Variants in PTER observed in about 807,000 individuals in gnomAD.
PTER encodes the protein N-acetyltaurine hydrolase.
Under a neutral mutation model 29.6 loss-of-function variants are expected in PTER, and 38 were observed. The observed-to-expected ratio is 1.28, with a 90% CI of 0.99 to 1.68. The LOEUF (loss-of-function observed/expected upper bound fraction) is 1.68. Ranked by LOEUF, PTER falls within the 40% of genes most tolerant of loss-of-function variation. PTER has a pLI of 0.00. For synonymous variants in PTER, 172 were observed against 154.5 expected, an observed-to-expected ratio of 1.11 and a Z score of -0.84; for missense variants, 482 against 427.8, an observed-to-expected ratio of 1.13 and a Z score of -1.12.
chr10:16,503,267 C>A lies in PTER; in HGVS notation c.699-1753C>A, dbSNP rs552910410. Among the ~76,000 whole-genome samples the A allele has an allele frequency of 2.1e-4, 32 of 151,580 alleles. No individual in the cohort carries two copies. The South Asian group carries it at 6.7e-3, about 32-fold the overall frequency. On this transcript the variant is annotated intron_variant, in intron 3 of 4. Transcript: ENST00000535784. ...TTTGAGATGGAGTCTTGCTCTGTCACCCAGGCTGGAATGCAATGGCACGAT... is the reference window on the plus strand; with the variant it reads ...TTTGAGATGGAGTCTTGCTCTGTCAACCAGGCTGGAATGCAATGGCACGAT...
chr10:16,476,478 G>C (rs1835267821), intron 1 of PTER, among the ~76,000 whole-genome samples: 1 of 152,156 alleles, frequency 6.6e-6, no homozygotes, highest in South Asian at 2.1e-4. Context: ...CAGTTTTCAA[G>C]TGAGGAAACT....
At chr10:16,495,187 T>TG (rs1383745228) in intron 3 of PTER, among the ~76,000 whole-genome samples, 2 of 142,310 alleles carry the variant, frequency 1.4e-5, no homozygotes, top group Admixed American at 7.2e-5. Flanking sequence ...TTTTTTTTTT[T>TG]TGAGACAGTG....
At chr10:16,495,085 G>C (rs1233174895) in intron 3 of PTER, among the ~76,000 whole-genome samples, 1 of 150,896 alleles carries the variant, frequency 6.6e-6, no homozygotes, top group African/African-American at 2.4e-5. Context: ...AAAAAAATAA[G>C]AATTCCACAT....
intron 1 of PTER, among the ~76,000 whole-genome samples, chr10:16,474,660 G>C (rs1272650722): frequency 6.6e-6 from 1 of 152,086 alleles, no homozygotes; most frequent in African/African-American, 2.4e-5. Context: ...GGCCGAGGCA[G>C]GTGGATCATG....
At chr10:16,463,673 C>T (rs1437925922) in intron 1 of PTER, among the ~76,000 whole-genome samples, 1 of 152,222 alleles carries the variant, frequency 6.6e-6, no homozygotes, top group Non-Finnish European at 1.5e-5. Flanking sequence ...ATCTCGGCTT[C>T]CCAAACTGCT....
rs1045780468 is a variant in PTER, at chr10:16,463,636, G to A, written c.-48-20701G>A. ...TCACCGTGTTGGCCAGGCTGGTCTC[G>A]AACTCCTGACCTCAGGTGATCCGCT... On this transcript the variant is annotated intron_variant, in intron 1 of 4. Transcript: ENST00000535784. Among the ~76,000 whole-genome samples, 9 of 151,726 alleles carry A rather than the reference G, an allele frequency of 5.9e-5. No homozygotes were observed. In the East Asian group the frequency reaches 9.7e-4, roughly 16 times the overall value.
intron 1 of PTER, among the ~76,000 whole-genome samples, chr10:16,443,754 A>G (rs1040337308): frequency 2.0e-5 from 3 of 152,320 alleles, no homozygotes; most frequent in Non-Finnish European, 2.9e-5. Context: ...CAACTCGCAC[A>G]TATTTTTACC....
At chr10:16,446,225 T>TC (rs1034680607) in intron 1 of PTER, among the ~76,000 whole-genome samples, 2 of 151,780 alleles carry the variant, frequency 1.3e-5, no homozygotes, top group Non-Finnish European at 2.9e-5. Context: ...CCAACATTTT[T>TC]TTTTTTTTTT....
chr10:16,472,402 G>C (rs192307835), intron 1 of PTER, among the ~76,000 whole-genome samples: 1 of 152,050 alleles, frequency 6.6e-6, no homozygotes, highest in African/African-American at 2.4e-5. Context: ...ATTGAATCAC[G>C]GGGGCGGTTT....
At chr10:16,462,232 C>T (rs1834639754) in intron 1 of PTER, among the ~76,000 whole-genome samples, 1 of 152,090 alleles carries the variant, frequency 6.6e-6, no homozygotes, top group African/African-American at 2.4e-5. Context: ...GCAATCCACC[C>T]GCCTCGGCCT....
chr10:16,462,560 A>T (rs1248210195), intron 1 of PTER, among the ~76,000 whole-genome samples: 1 of 146,366 alleles, frequency 6.8e-6, no homozygotes, highest in Non-Finnish European at 1.5e-5. Context: ...TGTGTCTTCC[A>T]CATAATCTAC....
chr10:16,446,220 A>ATT (rs375758553), intron 1 of PTER, among the ~76,000 whole-genome samples: 338 of 144,304 alleles, frequency 2.3e-3, no homozygotes, highest in Non-Finnish European at 4.0e-3. Flanking sequence ...CACCCCCAAC[A>ATT]TTTTTTTTTT....
At position 16,505,105 on chromosome 10, in the gene PTER, C is replaced by G; in HGVS notation, c.784C>G (p.His262Asp). The G allele has an allele frequency of 3.1e-6, 5 of 1,614,002 alleles. No homozygotes were observed. The highest frequency in any genetic ancestry group is 4.2e-6 in the Non-Finnish European group (5 of 1,179,930). The part of the protein sequence containing the change: ...EYDLFGTELL[H>D]YQLGPDIDMP... ...TGATCTCTTTGGTACTGAACTACTT[C>G]ATTACCAACTCGGCCCAGATATTGA... is the stretch of plus-strand genomic sequence containing the variant. Residue 262 changes from histidine to aspartate, a missense_variant, in exon 4 of 5, where the codon CAT (histidine) becomes GAT (aspartate). His to Asp is a moderately conservative substitution (Grantham distance 81). Coordinates refer to ENST00000535784, the MANE Select transcript of PTER (RefSeq NM_001261836.2).
chr10:16,510,884 G>A lies in PTER; in HGVS notation c.840-162G>A, dbSNP rs114917777. On this transcript the variant is annotated intron_variant, in intron 4 of 4. Coordinates refer to ENST00000535784, the MANE Select transcript of PTER (RefSeq NM_001261836.2). Reference sequence around the variant, plus strand: ...GCTAGGATGCAGCAATATTTTTATCGTCACCACACAATATTTATTAAAGGT... The same window carrying A: ...GCTAGGATGCAGCAATATTTTTATCATCACCACACAATATTTATTAAAGGT... Among the ~76,000 whole-genome samples, 779 of 152,174 alleles carry A rather than the reference G, an allele frequency of 5.1e-3. 6 individuals are homozygous for A. The highest frequency in any genetic ancestry group is 0.018 in the African/African-American group (739 of 41,542).
intron 1 of PTER, among the ~76,000 whole-genome samples, chr10:16,445,219 G>GT (rs1833974697): frequency 6.6e-6 from 1 of 152,170 alleles, no homozygotes; most frequent in Non-Finnish European, 1.5e-5. Context: ...ATATTAAGTC[G>GT]AGTATGGTTT....
At chr10:16,477,298 AGATG>A (rs1554789938) in intron 1 of PTER, among the ~76,000 whole-genome samples, 5 of 138,668 alleles carry the variant, frequency 3.6e-5, no homozygotes, top group Non-Finnish European at 6.1e-5. Context: ...ATAGATAGAT[AGATG>A]GATGTCTGTC....
intron 1 of PTER, among the ~76,000 whole-genome samples, chr10:16,458,086 C>A (rs777974853): frequency 6.6e-6 from 1 of 152,016 alleles, no homozygotes; most frequent in African/African-American, 2.4e-5. Context: ...GAACTGTCAG[C>A]AAACAGAAAG....
At chr10:16,501,349 ACACACACACACACACACACATG>A (rs1281511394) in intron 3 of PTER, among the ~76,000 whole-genome samples, 25 of 121,524 alleles carry the variant, frequency 2.1e-4, no homozygotes, top group Admixed American at 1.9e-3. Context: ...ACACACACAC[ACACACACACACACACACACATG>A]CACACACACA....
chr10:16,486,481 G>A lies in PTER; in HGVS notation c.562G>A (p.Ala188Thr). The A allele has an allele frequency of 1.2e-6, 2 of 1,614,056 alleles. No individual in the cohort carries two copies. Among genetic ancestry groups the A allele is most frequent in the Admixed American group, 1.7e-5 (1 of 59,986 alleles). Residue 188 changes from alanine to threonine, a missense_variant, in exon 3 of 5, where the codon GCT becomes ACT. Coordinates refer to ENST00000535784, the MANE Select transcript of PTER (RefSeq NM_001261836.2). ...TGAAAGAAAGGTTCTCCAGGCCACA[G>A]CTCATGCCCAGGCTCAGCTTGGTTG... ...ESERKVLQATAHAQAQLGCPV... is the reference protein window; with the variant it reads ...ESERKVLQATTHAQAQLGCPV...
Sources: gnomAD v4.1 joint callset for allele counts (sites outside exome capture counted in the v4.1 genomes callset) on GRCh38, gnomAD v4.1.1 for gene constraint, MANE v1.5 for transcripts, NCBI Gene and HGNC (gene_info 2026-07-23, HGNC 2026-07-21) for gene names.